The following ENOX2 variants were observed in gnomAD, a reference collection of about 807,000 sequenced individuals.
ENOX2 encodes APK1 antigen.
ENOX2 carries 36 observed loss-of-function variants against 45.0 expected under a neutral mutation model. The ratio of observed to expected loss-of-function variants is 0.80; its 90% CI spans 0.61 to 1.06. The LOEUF (loss-of-function observed/expected upper bound fraction) is 1.06, where lower values mean the gene tolerates loss of function less well. Among genes scored for constraint, ENOX2 ranks in the 50% least tolerant of loss-of-function variants. The probability of loss-of-function intolerance (pLI) is 0.00; values close to 1 mark genes in which losing one functional copy is unlikely to be tolerated. For missense variants in ENOX2, 423 were observed against 462.5 expected (o/e 0.91, Z 0.78); for synonymous variants, 174 against 152.3 (o/e 1.14, Z -1.05).
chrX:130,652,929 C>G (rs1897469321), intron 10 of ENOX2, among the ~76,000 whole-genome samples: 1 of 112,264 alleles, frequency 8.9e-6, no homozygotes, highest in African/African-American at 3.2e-5. Flanking sequence ...AAATCTTGAT[C>G]TCAGACTTCT....
intron 3 of ENOX2, among the ~76,000 whole-genome samples, chrX:130,704,659 C>T (rs1002667974): frequency 1.2e-4 from 13 of 112,234 alleles, no homozygotes; most frequent in Admixed American, 4.7e-4. Context: ...GTTATGTATA[C>T]ATGTGCTATT....
Position 130,712,313 on chromosome X carries a change from G to A in ENOX2, c.-38-9059C>T, listed in dbSNP as rs757406922. On this transcript the variant is annotated intron_variant, in intron 3 of 14. Transcript: ENST00000394363. ...CCCAGCCCCACCAGGAATGTCAGGC[G>A]ACTATCAGGTAGTTGTCACACTGAC... is the stretch of plus-strand genomic sequence containing the variant. Among the ~76,000 whole-genome samples the A allele has an allele frequency of 6.4e-4, 71 of 111,681 alleles. 1 individual carries two copies. The highest frequency in any genetic ancestry group is 1.9e-4 in the Admixed American group (2 of 10,563).
intron 5 of ENOX2, among the ~76,000 whole-genome samples, chrX:130,685,776 G>A (rs1278017152): frequency 9.0e-6 from 1 of 111,652 alleles, no homozygotes; most frequent in Admixed American, 9.5e-5. Context: ...TATGAGGTCA[G>A]GAAGTAGTTG....
chrX:130,777,626 T>C (rs1294271233), intron 3 of ENOX2, among the ~76,000 whole-genome samples: 3 of 111,886 alleles, frequency 2.7e-5, no homozygotes, highest in Non-Finnish European at 5.6e-5. Context: ...CTGAGAGAAT[T>C]CCTAATGACT....
intron 3 of ENOX2, among the ~76,000 whole-genome samples, chrX:130,747,591 A>G (rs2039126516): frequency 8.9e-6 from 1 of 112,401 alleles, no homozygotes; most frequent in South Asian, 3.7e-4. Context: ...AGTACTATAT[A>G]CAGATGACCT....
chrX:130,703,355 G>A, intron 3 of ENOX2, 101 bp from the exon 4 acceptor site: 1 of 818,356 alleles, frequency 1.2e-6, no homozygotes, highest in Non-Finnish European at 1.7e-6. Context: ...AGAAATGGCT[G>A]GAGAAATGGA....
rs181068803 is a variant in ENOX2 at position 130,851,117 on chromosome X, G to A, written c.-183+50567C>T. ...TAATTTTATGGCTCAGGTGATATCA[G>A]TTATCCAGGACAAGTGTTGTACATG... is the stretch of plus-strand genomic sequence containing the variant. On this transcript the variant is annotated intron_variant, in intron 2 of 14. Transcript: ENST00000394363. Among the ~76,000 whole-genome samples, 79 of 112,432 alleles carry A rather than the reference G, an allele frequency of 7.0e-4. 1 individual carries two copies. The highest frequency in any genetic ancestry group is 4.9e-3 in the Admixed American group (52 of 10,649).
At chrX:130,817,789 G>C (rs1307891584) in intron 2 of ENOX2, among the ~76,000 whole-genome samples, 1 of 112,165 alleles carries the variant, frequency 8.9e-6, no homozygotes, top group Non-Finnish European at 1.9e-5. Context: ...AGCTATTTAT[G>C]ACAAAACCAC....
intron 2 of ENOX2, among the ~76,000 whole-genome samples, chrX:130,784,694 C>T (rs1225413643): frequency 2.8e-5 from 3 of 106,317 alleles, no homozygotes; most frequent in Non-Finnish European, 3.9e-5. Flanking sequence ...TTCAAGCGAT[C>T]CTCCTGCCTC....
chrX:130,801,761 C>T (rs1336495460), intron 2 of ENOX2, among the ~76,000 whole-genome samples: 16 of 111,802 alleles, frequency 1.4e-4, no homozygotes, highest in East Asian at 5.6e-4. Flanking sequence ...TTATCACCTC[C>T]GATTTTCCAA....
chrX:130,828,770 C>T (rs1406785719), intron 2 of ENOX2, among the ~76,000 whole-genome samples: 1 of 111,653 alleles, frequency 9.0e-6, no homozygotes, highest in Non-Finnish European at 1.9e-5. Flanking sequence ...TCATATGATG[C>T]CTTTTCATCA....
chrX:130,813,614 G>A (rs1388317399), intron 2 of ENOX2, among the ~76,000 whole-genome samples: 2 of 111,756 alleles, frequency 1.8e-5, no homozygotes, highest in African/African-American at 6.5e-5. Flanking sequence ...GCTGAAGCAG[G>A]GTGGGGCATC....
At chrX:130,694,355 C>T (rs955475398) in intron 4 of ENOX2, among the ~76,000 whole-genome samples, 1 of 111,294 alleles carries the variant, frequency 9.0e-6, no homozygotes, top group African/African-American at 3.3e-5. Context: ...CTGCAGGGCA[C>T]AGAGCCACTG....
At chrX:130,637,648 C>T (rs1261668633) in intron 10 of ENOX2, among the ~76,000 whole-genome samples, 5 of 111,354 alleles carry the variant, frequency 4.5e-5, no homozygotes, top group Non-Finnish European at 3.8e-5. Context: ...TAAGATATTT[C>T]GAGGTAGCAT....
At chrX:130,844,124 C>T (rs1359123821) in intron 2 of ENOX2, among the ~76,000 whole-genome samples, 1 of 112,391 alleles carries the variant, frequency 8.9e-6, no homozygotes. Flanking sequence ...AGGTCAGCTG[C>T]CTTAGACATT....
At chrX:130,632,103 C>T (rs6654615) in intron 12 of ENOX2, among the ~76,000 whole-genome samples, 118 of 111,159 alleles carry the variant, frequency 1.1e-3, no homozygotes, top group African/African-American at 3.6e-3. Context: ...GCTACACTGC[C>T]AATCCACTGA....
At position 130,634,961 on chromosome X, in the gene ENOX2, A is replaced by G. The variant is rs184454802; in HGVS notation, c.1419+23T>C. The G allele has an allele frequency of 4.5e-5, 38 of 845,911 alleles. No individual in the cohort carries two copies. The East Asian group carries it at 1.2e-3, about 27-fold the overall frequency. 69.7% of individuals were successfully genotyped at this position (845,911 alleles called of 1,213,427 possible). ...AAAGTAGGTAAAGGGGCAAGGAAAAAGGTTCACTTAGGGTGCATGTACCTT... is the reference window on the plus strand; with the variant it reads ...AAAGTAGGTAAAGGGGCAAGGAAAAGGGTTCACTTAGGGTGCATGTACCTT... On this transcript the variant is annotated intron_variant, in intron 12 of 14. Transcript: ENST00000394363.
At chrX:130,678,705 C>T (rs1031934355) in intron 6 of ENOX2, among the ~76,000 whole-genome samples, 2 of 110,619 alleles carry the variant, frequency 1.8e-5, no homozygotes, top group Admixed American at 9.7e-5. Flanking sequence ...GCACTTAGTA[C>T]TGAAAGTAAC....
At chrX:130,870,396 G>C (rs2078556842) in intron 2 of ENOX2, among the ~76,000 whole-genome samples, 1 of 111,961 alleles carries the variant, frequency 8.9e-6, no homozygotes, top group Non-Finnish European at 1.9e-5. Flanking sequence ...TTTAGAGTTT[G>C]AATACATGTA....
Sources: allele counts gnomAD v4.1 joint callset (sites outside exome capture counted in the v4.1 genomes callset), GRCh38; gene constraint gnomAD v4.1.1; transcripts MANE v1.5; gene names NCBI Gene and HGNC (gene_info 2026-07-23, HGNC 2026-07-21).